BFSP1: variants seen among roughly 807,000 people sequenced by gnomAD.
BFSP1 encodes beaded filament structural protein 1.
Under a neutral mutation model 43.9 loss-of-function variants are expected in BFSP1, and 38 were observed. The observed-to-expected ratio is 0.87, with a 90% CI of 0.67 to 1.14. BFSP1 has a LOEUF of 1.14. Among genes scored for constraint, BFSP1 ranks in the 50% most tolerant of loss-of-function variants. The probability of loss-of-function intolerance (pLI) is 0.00; values close to 1 mark genes in which losing one functional copy is unlikely to be tolerated. For missense variants in BFSP1, 850 were observed against 875.1 expected (o/e 0.97, Z 0.36); for synonymous variants, 352 against 354.8 (o/e 0.99, Z 0.09).
In BFSP1 at chr20:17,494,163, G is replaced by A; in HGVS notation, c.1909C>T (p.Gln637Ter). The A allele has an allele frequency of 6.2e-7, 1 of 1,614,096 alleles. No individual in the cohort carries two copies. Among genetic ancestry groups the A allele is most frequent in the South Asian group, 1.1e-5 (1 of 91,074 alleles). The change falls in exon 8 of 8, where the codon CAG (glutamine) becomes TAG (stop). Residue 637 changes from glutamine to a stop codon, truncating the protein, a stop_gained. Coordinates refer to ENST00000377873, the MANE Select transcript of BFSP1 (RefSeq NM_001195.5). LOFTEE classifies it high-confidence loss of function. ...SIEKISTESI[Q>*]TYEETAVIVE... ...ATCACAGCGGTTTCTTCATATGTCT[G>A]AATGCTCTCCGTGGAAATCTTCTCG...
chr20:17,512,106 G>C (rs759404526), intron 3 of BFSP1, 38 bp from the exon 4 acceptor site: 13 of 1,532,472 alleles, frequency 8.5e-6, no homozygotes. Flanking sequence ...TATAAGTTGA[G>C]CTGCGCTGGT....
At chr20:17,515,238 C>T (rs1036424888) in intron 2 of BFSP1, among the ~76,000 whole-genome samples, 5 of 152,162 alleles carry the variant, frequency 3.3e-5, no homozygotes, top group African/African-American at 1.2e-4. Flanking sequence ...GGTTAAGTAA[C>T]CTTGATCTAG....
At chr20:17,527,006 A>G (rs1473640098) in intron 1 of BFSP1, among the ~76,000 whole-genome samples, 1 of 152,244 alleles carries the variant, frequency 6.6e-6, no homozygotes, top group Non-Finnish European at 1.5e-5. Flanking sequence ...GTTCAAGTCA[A>G]GTATTCTGCA....
chr20:17,520,210 G>GCCCCCCCCCCCCCCCCCCCCCCCCC (rs138070825), intron 2 of BFSP1, among the ~76,000 whole-genome samples: 9 of 133,350 alleles, frequency 6.7e-5, no homozygotes, highest in Non-Finnish European at 7.8e-5. Flanking sequence ...GTTTTAACGT[G>GCCCCCCCCCCCCCCCCCCCCCCCCC]CCCCCCCACC....
intron 2 of BFSP1, among the ~76,000 whole-genome samples, chr20:17,523,272 T>C (rs139027028): frequency 1.3e-5 from 2 of 152,266 alleles, no homozygotes; most frequent in African/African-American, 2.4e-5. Context: ...AGGAACCCCA[T>C]TCTTTCTCCC....
chr20:17,514,184 A>G (rs2034148686), intron 3 of BFSP1, among the ~76,000 whole-genome samples: 1 of 152,192 alleles, frequency 6.6e-6, no homozygotes, highest in Non-Finnish European at 1.5e-5. Context: ...TTTGAAGAAG[A>G]AAAAGCAGCT....
chr20:17,567,311 A>G (rs960073243), intron 1 of BFSP1, among the ~76,000 whole-genome samples: 5 of 152,210 alleles, frequency 3.3e-5, no homozygotes, highest in African/African-American at 1.2e-4. Context: ...AACACCTACT[A>G]TGTATCAGGG....
chr20:17,521,733 A>C (rs967672278), intron 2 of BFSP1, among the ~76,000 whole-genome samples: 2 of 152,210 alleles, frequency 1.3e-5, no homozygotes, highest in Admixed American at 6.5e-5. Context: ...CCTGTGGCTT[A>C]TCTGGGAGGT....
At chr20:17,495,661 C>A (rs762569440) in intron 7 of BFSP1, among the ~76,000 whole-genome samples, 2 of 152,192 alleles carry the variant, frequency 1.3e-5, no homozygotes, top group Non-Finnish European at 2.9e-5. Flanking sequence ...TCAGAAATGA[C>A]AGGAATCCCC....
intron 1 of BFSP1, among the ~76,000 whole-genome samples, chr20:17,566,950 C>A (rs968735247): frequency 6.6e-6 from 1 of 152,112 alleles, no homozygotes; most frequent in Non-Finnish European, 1.5e-5. Context: ...CGGTGCCCGG[C>A]CTAGGACCTC....
At chr20:17,516,763 CA>C (rs1166512744) in intron 2 of BFSP1, 12 of 375,394 alleles carry the variant, frequency 3.2e-5, no homozygotes, top group Non-Finnish European at 5.9e-5. Context: ...TCAAATTAGT[CA>C]ATGTGCAACC....
chr20:17,505,020 T>C (rs1042945134), intron 5 of BFSP1, among the ~76,000 whole-genome samples: 2 of 151,984 alleles, frequency 1.3e-5, no homozygotes, highest in Non-Finnish European at 2.9e-5. Flanking sequence ...GTGACTTTAA[T>C]GAGAAATGAG....
In BFSP1 at chr20:17,525,724, C is replaced by T. The variant is rs2034405923; in HGVS notation, c.378-816G>A. The stretch of plus-strand genomic sequence containing the variant: ...CCCTTGTTCCCTATAAGGTGACCCC[C>T]AAATGCCCATTCTTGCTGTCTTCAG... On this transcript the variant is annotated intron_variant, in intron 1 of 7. Coordinates refer to ENST00000377873, the MANE Select transcript of BFSP1 (RefSeq NM_001195.5). This position sits in a 1 kb window ranked among gnomAD's most constrained non-coding sequence, Gnocchi z 4.2. Among the ~76,000 whole-genome samples the T allele has an allele frequency of 6.6e-6, 1 of 152,150 alleles. No homozygotes were observed. The highest frequency in any genetic ancestry group is 2.4e-5 in the African/African-American group (1 of 41,434).
At chr20:17,510,653 G>A (rs528820520) in intron 4 of BFSP1, among the ~76,000 whole-genome samples, 1 of 152,282 alleles carries the variant, frequency 6.6e-6, no homozygotes, top group South Asian at 2.1e-4. Context: ...AAATAATTAA[G>A]ACGAAAAAGT....
intron 1 of BFSP1, among the ~76,000 whole-genome samples, chr20:17,557,723 C>T (rs2035016389): frequency 1.3e-5 from 2 of 152,162 alleles, no homozygotes; most frequent in Admixed American, 1.3e-4. Context: ...GATTGATCCT[C>T]CTTACCAAGT....
chr20:17,501,001 G>C (rs570613315), intron 5 of BFSP1, among the ~76,000 whole-genome samples: 23 of 152,270 alleles, frequency 1.5e-4, no homozygotes, highest in African/African-American at 5.5e-4. Flanking sequence ...CAGCAGGGAT[G>C]GGGGGCCGGA....
At chr20:17,498,727 C>A in intron 6 of BFSP1, 93 bp downstream of exon 6, 1 of 1,391,230 alleles carries the variant, frequency 7.2e-7, no homozygotes, top group South Asian at 1.3e-5. Flanking sequence ...TGACACATGC[C>A]CACTGCCTAT....
At chr20:17,563,459 C>T (rs1287275971), upstream of BFSP1, among the ~76,000 whole-genome samples, 1 of 147,112 alleles carries the variant, frequency 6.8e-6, no homozygotes, top group African/African-American at 2.5e-5. Flanking sequence ...AACAATTTTC[C>T]TGCCTCAGCC....
rs1422166637 is a variant in BFSP1 at position 17,498,854 on chromosome 20, G to T, written c.922C>A (p.Arg308=). ...AQQTLKNELD[R]YHRIIEIEGN... ...TCAATCTCGATGATACGATGATACC[G>T]GTCCAGCTCATTCTTCAGGGTTTGC... The change falls in exon 6 of 8, where the codon CGG becomes AGG. Residue 308 remains arginine, a synonymous_variant. Transcript: ENST00000377873. 2 of 1,613,324 alleles carry T rather than the reference G, an allele frequency of 1.2e-6. No homozygotes were observed. Among genetic ancestry groups the T allele is most frequent in the African/African-American group, 2.7e-5 (2 of 74,882 alleles).
Sources: allele counts gnomAD v4.1 joint callset (sites outside exome capture counted in the v4.1 genomes callset), GRCh38; gene constraint gnomAD v4.1.1; non-coding constraint Gnocchi (gnomAD v3.1); transcripts MANE v1.5; gene names NCBI Gene and HGNC (gene_info 2026-07-23, HGNC 2026-07-21).